The following PTBP3 variants were observed in gnomAD, a reference collection of about 807,000 sequenced individuals.
PTBP3 encodes polypyrimidine tract binding protein 3.
A neutral mutation model predicts 58.7 loss-of-function variants in PTBP3; 20 were observed. The observed-to-expected ratio is 0.34, with a 90% CI of 0.24 to 0.50. The LOEUF (loss-of-function observed/expected upper bound fraction) is 0.50, where lower values mean the gene tolerates loss of function less well. Among genes scored for constraint, PTBP3 ranks in the 20% least tolerant of loss-of-function variants. PTBP3 has a pLI of 0.98. For synonymous variants in PTBP3, 185 were observed against 219.8 expected, an observed-to-expected ratio of 0.84 and a Z score of 1.40; for missense variants, 509 against 637.2, an observed-to-expected ratio of 0.80 and a Z score of 2.17.
chr9:112,253,749 C>G (rs1315937476), intron 5 of PTBP3, among the ~76,000 whole-genome samples: 1 of 152,048 alleles, frequency 6.6e-6, no homozygotes, highest in Non-Finnish European at 1.5e-5. Context: ...GGGGCAGTTT[C>G]CCCTGCGCAC....
chr9:112,289,338 T>C (rs1305255632), intron 2 of PTBP3, among the ~76,000 whole-genome samples: 2 of 152,148 alleles, frequency 1.3e-5, no homozygotes, highest in East Asian at 3.9e-4. Flanking sequence ...GCTTATATCA[T>C]CTTTGCAGCC....
intron 1 of PTBP3, chr9:112,330,434 T>C (rs1830321832): frequency 6.6e-7 from 1 of 1,512,332 alleles, no homozygotes; most frequent in East Asian, 2.3e-5. Context: ...TAGTAAAAGA[T>C]TCCTACCTTT....
At chr9:112,317,443 A>G (rs1829753611) in intron 1 of PTBP3, among the ~76,000 whole-genome samples, 1 of 152,026 alleles carries the variant, frequency 6.6e-6, no homozygotes, top group African/African-American at 2.4e-5. Flanking sequence ...ATTAAACTCA[A>G]TGTAAATAGA....
At chr9:112,230,229 G>C (rs1453019038) in intron 10 of PTBP3, among the ~76,000 whole-genome samples, 1 of 152,048 alleles carries the variant, frequency 6.6e-6, no homozygotes, top group Non-Finnish European at 1.5e-5. Flanking sequence ...GGAAGGCTGA[G>C]GGAGGACGAC....
chr9:112,254,670 C>T (rs1156886843), intron 5 of PTBP3, among the ~76,000 whole-genome samples: 2 of 152,198 alleles, frequency 1.3e-5, no homozygotes, highest in Admixed American at 6.5e-5. Flanking sequence ...ATCAAAACTA[C>T]ATATCACCTA....
chr9:112,262,025 T>A (rs1836618463), intron 5 of PTBP3, among the ~76,000 whole-genome samples: 1 of 152,228 alleles, frequency 6.6e-6, no homozygotes, highest in African/African-American at 2.4e-5. Flanking sequence ...ATATTCATAT[T>A]ACACATGAAG....
At chr9:112,300,016 G>A (rs137977952) in intron 1 of PTBP3, among the ~76,000 whole-genome samples, 18 of 152,198 alleles carry the variant, frequency 1.2e-4, no homozygotes, top group South Asian at 2.1e-4. Flanking sequence ...ATATTTGACC[G>A]CATCCTCATT....
chr9:112,363,428 C>T, the PTBP3 span, among the ~76,000 whole-genome samples: 5 of 151,266 alleles, frequency 3.3e-5, no homozygotes, highest in African/African-American at 1.2e-4. Context: ...CTGAAGTGGG[C>T]CGACTGCATG....
intron 1 of PTBP3, among the ~76,000 whole-genome samples, chr9:112,315,053 G>C (rs912960763): frequency 6.6e-6 from 1 of 151,838 alleles, no homozygotes; most frequent in Non-Finnish European, 1.5e-5. Context: ...GGATGGTCTC[G>C]ATCTCCTGAC....
chr9:112,221,588 T>C lies in PTBP3; in HGVS notation c.*2263A>G, dbSNP rs1184834194. The C allele has an allele frequency of 1.0e-6, 1 of 985,408 alleles. No individual in the cohort carries two copies. Among genetic ancestry groups the C allele is most frequent in the Non-Finnish European group, 1.2e-6 (1 of 829,930 alleles). The allele number at this position is 985,408 out of a possible 1,614,324, so 61.0% of individuals were successfully genotyped here. ...TTGGGAGATTTTGCAAAGAAATTTT[T>C]TTCCTCCTTCATATACCCCTTGTGT... On this transcript the variant is annotated 3_prime_UTR_variant, in exon 14 of 14. Transcript: ENST00000374257.
rs60262490 is a variant in PTBP3, at chr9:112,290,707, TACACACACAC to T, written c.34+7115_34+7124del. Among the ~76,000 whole-genome samples the T allele has an allele frequency of 5.4e-5, 6 of 110,956 alleles. No homozygotes were observed. In the East Asian group the frequency reaches 1.4e-3, roughly 25 times the overall value. 72.8% of individuals were successfully genotyped at this position (110,956 alleles called of 152,430 possible). The stretch of plus-strand genomic sequence containing the variant: ...AAAAAAATATATATATATATATATA[TACACACACAC>T]ACACACACACACACACACACAATCA... On this transcript the variant is annotated intron_variant, in intron 2 of 13. Coordinates refer to ENST00000374257, the MANE Select transcript of PTBP3 (RefSeq NM_001163788.4).
At chr9:112,255,311 T>C (rs1034962381) in intron 5 of PTBP3, among the ~76,000 whole-genome samples, 13 of 152,186 alleles carry the variant, frequency 8.5e-5, no homozygotes, top group Admixed American at 2.6e-4. Flanking sequence ...TGAAAAACAA[T>C]GTGAATATAC....
chr9:112,368,199 G>A, the PTBP3 span, among the ~76,000 whole-genome samples: 241 of 152,040 alleles, frequency 1.6e-3, 1 homozygote, highest in African/African-American at 5.1e-3. Flanking sequence ...GAGACAGAGC[G>A]TCATTCTGTT....
the PTBP3 span, among the ~76,000 whole-genome samples, chr9:112,366,813 T>C: frequency 1.3e-5 from 2 of 151,968 alleles, no homozygotes; most frequent in Admixed American, 1.3e-4. Context: ...GAATGATAGA[T>C]CCACTGACAG....
intron 1 of PTBP3, among the ~76,000 whole-genome samples, chr9:112,328,080 T>A (rs886195714): frequency 6.6e-6 from 1 of 152,208 alleles, no homozygotes; most frequent in Admixed American, 6.6e-5. Flanking sequence ...ATTCTTTTTT[T>A]AAAAGTCCAT....
At chr9:112,263,955 T>C (rs114906622) in intron 4 of PTBP3, among the ~76,000 whole-genome samples, 1,704 of 152,076 alleles carry the variant, frequency 0.011, 36 homozygotes, top group African/African-American at 0.039. Flanking sequence ...ATTATTACTT[T>C]GGGGCCACAG....
intron 10 of PTBP3, 115 bp from the exon 11 acceptor site, chr9:112,228,587 T>C: frequency 3.2e-6 from 2 of 617,744 alleles, no homozygotes; most frequent in Non-Finnish European, 5.3e-6. Context: ...ATTCCATACA[T>C]ACACCTGCAA....
intron 3 of PTBP3, 73 bp from the exon 4 acceptor site, chr9:112,268,268 T>C (rs913768629): frequency 2.0e-6 from 3 of 1,500,502 alleles, no homozygotes; most frequent in East Asian, 4.6e-5. Flanking sequence ...TTTGCCATTC[T>C]AGCTTGCTCT....
chr9:112,220,520 A>AT lies in PTBP3; in HGVS notation c.*3330_*3331insA. 3 of 1,025,878 alleles carry AT rather than the reference A, an allele frequency of 2.9e-6. No individual in the cohort carries two copies. The highest frequency in any genetic ancestry group is 3.5e-6 in the Non-Finnish European group (3 of 852,724). 63.5% of individuals were successfully genotyped at this position (1,025,878 alleles called of 1,614,324 possible). On this transcript the variant is annotated 3_prime_UTR_variant, in exon 14 of 14. Transcript: ENST00000374257. ...TGTCATAAGGGAACAGGCAGGCATA[A>AT]ATGATATCTCCAAAAACTGAGCTCA...
Sources: allele counts gnomAD v4.1 joint callset (sites outside exome capture counted in the v4.1 genomes callset), GRCh38; gene constraint gnomAD v4.1.1; transcripts MANE v1.5; gene names NCBI Gene and HGNC (gene_info 2026-07-23, HGNC 2026-07-21).